The following SUPT3H variants were observed in gnomAD, a reference collection of about 807,000 sequenced individuals.
SUPT3H encodes transcription initiation protein SPT3 homolog.
Under a neutral mutation model 44.3 loss-of-function variants are expected in SUPT3H, and 44 were observed. The ratio of observed to expected loss-of-function variants is 0.99; its 90% CI spans 0.78 to 1.28. The LOEUF (loss-of-function observed/expected upper bound fraction) is 1.28. SUPT3H is among the 50% of genes most tolerant of loss of function. SUPT3H has a pLI of 0.00. For missense variants in SUPT3H, 380 were observed against 387.1 expected, an observed-to-expected ratio of 0.98 and a Z score of 0.15; for synonymous variants, 124 against 125.6, an observed-to-expected ratio of 0.99 and a Z score of 0.09.
intron 6 of SUPT3H, among the ~76,000 whole-genome samples, chr6:44,972,955 C>A (rs975407721): frequency 1.6e-4 from 24 of 152,322 alleles, no homozygotes; most frequent in African/African-American, 5.3e-4. Flanking sequence ...GCCGTGAAGA[C>A]CTCTGACATG....
At chr6:44,848,661 T>A (rs1375945934) in intron 10 of SUPT3H, among the ~76,000 whole-genome samples, 1 of 152,184 alleles carries the variant, frequency 6.6e-6, no homozygotes, top group East Asian at 1.9e-4. Flanking sequence ...GTCTTTTCTA[T>A]TACAGACCAA....
At chr6:45,137,319 A>G (rs1271499105) in intron 2 of SUPT3H, among the ~76,000 whole-genome samples, 3 of 152,038 alleles carry the variant, frequency 2.0e-5, no homozygotes, top group Admixed American at 1.3e-4. Context: ...AAGCAAAAAG[A>G]AAAAAAGAAG....
intron 10 of SUPT3H, among the ~76,000 whole-genome samples, chr6:44,840,460 A>C (rs1018453055): frequency 6.6e-6 from 1 of 152,204 alleles, no homozygotes. Context: ...TGCCAGAAGA[A>C]AAGATGGGAG....
chr6:45,246,872 T>C (rs1449682637), intron 2 of SUPT3H, among the ~76,000 whole-genome samples: 1 of 152,106 alleles, frequency 6.6e-6, no homozygotes, highest in Non-Finnish European at 1.5e-5. Flanking sequence ...ATTACACATA[T>C]TAGAAAAGAA....
chr6:45,098,721 C>A, intron 3 of SUPT3H: 1 of 403,290 alleles, frequency 2.5e-6, no homozygotes, highest in South Asian at 2.0e-5. Flanking sequence ...TGTTGGTAGT[C>A]TGGATAATAC....
Position 44,953,340 on chromosome 6 carries a change from T to C in SUPT3H, c.771A>G (p.Ala257=), listed in dbSNP as rs200432737. The C allele has an allele frequency of 4.6e-5, 74 of 1,614,034 alleles. 1 individual carries two copies. In the South Asian group the frequency reaches 4.6e-4, roughly 10 times the overall value. The change falls in exon 9 of 11, where the codon GCA becomes GCG. Residue 257 remains alanine (A), a synonymous_variant. Coordinates refer to ENST00000371459, the MANE Select transcript of SUPT3H (RefSeq NM_003599.4). ...AGDPFSHAIS[A]TFIQYHNSAE... Reference sequence around the variant, plus strand: ...CAGAGTTGTGATACTGAATGAAGGTTGCAGAAATGGCATGGCTGAAGGGGT... The same window carrying C: ...CAGAGTTGTGATACTGAATGAAGGTCGCAGAAATGGCATGGCTGAAGGGGT...
At position 45,327,089 on chromosome 6, in the gene SUPT3H, A is replaced by G. The variant is rs139922233; in HGVS notation, c.101+38112T>C. 1.9e-3 allele frequency among the ~76,000 whole-genome samples: 290 copies of G among 152,100 alleles called. 1 individual carries two copies. Among genetic ancestry groups the G allele is most frequent in the African/African-American group, 6.3e-3 (263 of 41,534 alleles). On this transcript the variant is annotated intron_variant, in intron 2 of 10. Coordinates refer to ENST00000371459, the MANE Select transcript of SUPT3H (RefSeq NM_003599.4). ...CTGCCTATGATATATAATCATCCTA[A>G]TAAGAAAATGAGTTCTATACATACT...
chr6:44,996,432 TTG>T (rs1408141341), intron 6 of SUPT3H, among the ~76,000 whole-genome samples: 2 of 151,926 alleles, frequency 1.3e-5, no homozygotes, highest in East Asian at 3.9e-4. Context: ...TTAATAATTT[TTG>T]TGTTTTTGAA....
intron 3 of SUPT3H, among the ~76,000 whole-genome samples, chr6:45,029,827 C>A (rs1786638313): frequency 6.6e-6 from 1 of 152,182 alleles, no homozygotes; most frequent in Non-Finnish European, 1.5e-5. Context: ...TGCTGTGGCA[C>A]TACCTTGGCT....
intron 2 of SUPT3H, among the ~76,000 whole-genome samples, chr6:45,338,582 C>G (rs1339804466): frequency 6.6e-6 from 1 of 152,042 alleles, no homozygotes; most frequent in Non-Finnish European, 1.5e-5. Flanking sequence ...TTCTGCTGAA[C>G]TGGAATTTAG....
At chr6:45,255,956 G>T (rs1333413667) in intron 2 of SUPT3H, among the ~76,000 whole-genome samples, 1 of 152,154 alleles carries the variant, frequency 6.6e-6, no homozygotes, top group African/African-American at 2.4e-5. Flanking sequence ...AAGATCACGA[G>T]GTCAGGAGAT....
intron 2 of SUPT3H, among the ~76,000 whole-genome samples, chr6:45,147,032 AAC>A (rs1466289612): frequency 2.1e-4 from 32 of 152,274 alleles, no homozygotes; most frequent in African/African-American, 7.7e-4. Context: ...CTTTACCAGT[AAC>A]AGTTTATTTA....
At chr6:45,120,403 T>C (rs918495548) in intron 2 of SUPT3H, among the ~76,000 whole-genome samples, 3 of 75,816 alleles carry the variant, frequency 4.0e-5, no homozygotes, top group African/African-American at 1.3e-4. Context: ...TGGGTAACAG[T>C]GTGAGACCTT....
intron 2 of SUPT3H, among the ~76,000 whole-genome samples, chr6:45,164,637 T>C (rs1809559969): frequency 6.6e-6 from 1 of 152,122 alleles, no homozygotes; most frequent in Non-Finnish European, 1.5e-5. Flanking sequence ...TTCTCAAAGT[T>C]TCCACAAAAG....
chr6:44,963,508 ACAAC>A (rs1776350072), intron 6 of SUPT3H, among the ~76,000 whole-genome samples: 1 of 152,040 alleles, frequency 6.6e-6, no homozygotes, highest in South Asian at 2.1e-4. Flanking sequence ...AAACAAACAA[ACAAC>A]CACACAACCA....
chr6:44,883,747 C>T (rs1013504446), intron 10 of SUPT3H, among the ~76,000 whole-genome samples: 7 of 152,030 alleles, frequency 4.6e-5, no homozygotes, highest in African/African-American at 1.7e-4. Flanking sequence ...CTTTGGCAAA[C>T]CTGACAAAAA....
chr6:45,210,182 G>A (rs1763860463), intron 2 of SUPT3H, among the ~76,000 whole-genome samples: 1 of 152,136 alleles, frequency 6.6e-6, no homozygotes, highest in African/African-American at 2.4e-5. Context: ...AGACAAGTTG[G>A]AGACTGTTAG....
intron 10 of SUPT3H, among the ~76,000 whole-genome samples, chr6:44,832,373 T>G (rs1466929506): frequency 1.3e-5 from 2 of 152,144 alleles, no homozygotes; most frequent in African/African-American, 4.8e-5. Context: ...TGATTCCCAG[T>G]TCTGTATCTA....
At chr6:45,262,962 C>T (rs927065786) in intron 2 of SUPT3H, among the ~76,000 whole-genome samples, 20 of 151,888 alleles carry the variant, frequency 1.3e-4, no homozygotes, top group African/African-American at 4.8e-4. Context: ...CAGTCAGAAT[C>T]GTTGTTATTA....
Sources: gnomAD v4.1 joint callset for allele counts (sites outside exome capture counted in the v4.1 genomes callset) on GRCh38, gnomAD v4.1.1 for gene constraint, MANE v1.5 for transcripts, NCBI Gene and HGNC (gene_info 2026-07-23, HGNC 2026-07-21) for gene names.